The following SLC17A2 variants were observed in gnomAD, a reference collection of about 807,000 sequenced individuals.
The protein encoded by SLC17A2 is solute carrier family 17 member 2, also known as sodium-dependent phosphate transport protein 3.
Under a neutral mutation model 52.1 loss-of-function variants are expected in SLC17A2, and 38 were observed. The ratio of observed to expected loss-of-function variants is 0.73; its 90% CI spans 0.56 to 0.96. The LOEUF (loss-of-function observed/expected upper bound fraction) is 0.96, where lower values mean the gene tolerates loss of function less well. SLC17A2 is among the 40% of genes least tolerant of loss of function. The pLI is 0.00. For missense variants in SLC17A2, 508 were observed against 583.9 expected, an observed-to-expected ratio of 0.87 and a Z score of 1.34; for synonymous variants, 226 against 211.9, an observed-to-expected ratio of 1.07 and a Z score of -0.58.
chr6:25,921,108 A>G lies in SLC17A2; in HGVS notation c.475-15T>C, dbSNP rs201836999. The G allele has an allele frequency of 1.4e-5, 23 of 1,614,014 alleles. No individual in the cohort carries two copies. The highest frequency in any genetic ancestry group is 1.6e-5 in the Non-Finnish European group (19 of 1,179,858). ...CATGCCATTCCCTGAAATGAAAATC[A>G]TTAAGACCTTTGATATTTTGTAGAA... On this transcript the variant is annotated splice_polypyrimidine_tract_variant and intron_variant, in intron 4 of 11. Transcript: ENST00000377850.
At chr6:25,919,568 C>CA (rs1766461873) in intron 5 of SLC17A2, among the ~76,000 whole-genome samples, 1 of 151,358 alleles carries the variant, frequency 6.6e-6, no homozygotes, top group African/African-American at 2.4e-5. Flanking sequence ...GTCATGGTGG[C>CA]AGGCGCCTGT....
chr6:25,923,232 G>A (rs1766625359), intron 3 of SLC17A2, among the ~76,000 whole-genome samples: 2 of 152,120 alleles, frequency 1.3e-5, no homozygotes. Flanking sequence ...TAATTCAACT[G>A]GGAGGTGAGT....
At chr6:25,915,202 T>C (rs1766262661) in intron 10 of SLC17A2, among the ~76,000 whole-genome samples, 1 of 130,526 alleles carries the variant, frequency 7.7e-6, no homozygotes, top group African/African-American at 2.9e-5. Context: ...AACAACACCA[T>C]GGAAACTTTT....
chr6:25,926,353 A>G (rs1212801150), intron 1 of SLC17A2, among the ~76,000 whole-genome samples: 3 of 152,200 alleles, frequency 2.0e-5, no homozygotes, highest in East Asian at 1.9e-4. Flanking sequence ...ACAATGTTCC[A>G]TGTGCCTTCG....
Position 25,913,217 on chromosome 6 carries a change from T to G in SLC17A2, c.*100A>C. On this transcript the variant is annotated 3_prime_UTR_variant, in exon 12 of 12. Coordinates refer to ENST00000377850, the MANE Select transcript of SLC17A2 (RefSeq NM_001286123.3). ...AGGGAAGACTAACACACAGCCAGAG[T>G]TAAGAACTGCTGAGTCTATGGTCAG... The G allele has an allele frequency of 7.7e-7, 1 of 1,306,058 alleles. No homozygotes were observed. The highest frequency in any genetic ancestry group is 1.1e-6 in the Non-Finnish European group (1 of 907,516). The allele number at this position is 1,306,058 out of a possible 1,614,324, so 80.9% of individuals were successfully genotyped here.
chr6:25,926,557 G>A lies in SLC17A2; in HGVS notation c.-83-678C>T, dbSNP rs79745779. Among the ~76,000 whole-genome samples the A allele has an allele frequency of 1.6e-3, 250 of 152,308 alleles. 5 individuals carry two copies. The East Asian group carries it at 0.027, about 16-fold the overall frequency. ...AAATCCAGCTATTGTGACAGGCAAA[G>A]AGAATTCATGGCTCTAAATATGGAC... On this transcript the variant is annotated intron_variant, in intron 1 of 11. Coordinates refer to ENST00000377850, the MANE Select transcript of SLC17A2 (RefSeq NM_001286123.3).
chr6:25,918,512 G>T lies in SLC17A2; in HGVS notation c.624C>A (p.Ser208Arg). Residue 208 changes from serine to arginine, a missense_variant, in exon 6 of 12, where the codon AGC becomes AGA. Coordinates refer to ENST00000377850, the MANE Select transcript of SLC17A2 (RefSeq NM_001286123.3). The part of the protein sequence containing the change: ...CVGGLISQAL[S>R]WPFIFYIFGS... ...CAAAGATGTAGAAGATAAAAGGCCA[G>T]CTCAAGGCCTGTGAGATTAGTCCCC... 1 of 1,613,310 alleles carries T rather than the reference G, an allele frequency of 6.2e-7. No individual in the cohort carries two copies. The highest frequency in any genetic ancestry group is 1.1e-5 in the South Asian group (1 of 91,058).
In SLC17A2 at chr6:25,915,878, G is replaced by A. The variant is rs747309351; in HGVS notation, c.931-10C>T. The stretch of plus-strand genomic sequence containing the variant: ...AGGACAGAACTCCACTCTGAAGGAA[G>A]GAAGTTTATACAGAGTAGTTATAGA... On this transcript the variant is annotated splice_polypyrimidine_tract_variant and intron_variant, in intron 8 of 11. Coordinates refer to ENST00000377850, the MANE Select transcript of SLC17A2 (RefSeq NM_001286123.3). 6.2e-6 allele frequency: 10 copies of A among 1,612,758 alleles called. No individual in the cohort carries two copies. Among genetic ancestry groups the A allele is most frequent in the Non-Finnish European group, 8.5e-6 (10 of 1,179,496 alleles).
Position 25,913,230 on chromosome 6 carries a change from AGTCTATG to A in SLC17A2, c.*80_*86del, listed in dbSNP as rs2151539645. 7.0e-7 allele frequency: 1 copy of A among 1,420,168 alleles called. No homozygotes were observed. The highest frequency in any genetic ancestry group is 1.7e-5 in the Admixed American group (1 of 58,972). The allele number at this position is 1,420,168 out of a possible 1,614,324, so 88.0% of individuals were successfully genotyped here. ...ACACAGCCAGAGTTAAGAACTGCTG[AGTCTATG>A]GTCAGGAATATGGAGAGAAGTAAAA... On this transcript the variant is annotated 3_prime_UTR_variant, in exon 12 of 12. Coordinates refer to ENST00000377850, the MANE Select transcript of SLC17A2 (RefSeq NM_001286123.3).
In SLC17A2 at chr6:25,925,882, A is replaced by G. The variant is rs545162505; in HGVS notation, c.-83-3T>C. ...CTTTTACTACGACAGTCTTTTATCT[A>G]TGGAGAGAACATAATCCAAAACATA... On this transcript the variant is annotated splice_polypyrimidine_tract_variant and splice_region_variant and intron_variant, in intron 1 of 11. Coordinates refer to ENST00000377850, the MANE Select transcript of SLC17A2 (RefSeq NM_001286123.3). 4.5e-6 allele frequency: 6 copies of G among 1,328,110 alleles called. No homozygotes were observed. Among genetic ancestry groups the G allele is most frequent in the African/African-American group, 1.4e-5 (1 of 69,314 alleles). 82.3% of individuals were successfully genotyped at this position (1,328,110 alleles called of 1,614,324 possible).
chr6:25,921,334 T>G lies in SLC17A2; in HGVS notation c.319A>C (p.Ile107Leu). Residue 107 changes from isoleucine (I) to leucine (L), a missense_variant, in exon 4 of 12, where the codon ATC becomes CTC. Physicochemically the swap from Ile to Leu is conservative, Grantham distance 5. Transcript: ENST00000377850. Reference protein sequence around the residue: ...SINYGIILTLIPSGYLAGIFG... With the variant: ...SINYGIILTLLPSGYLAGIFG... Reference sequence around the variant, plus strand: ...ATCCCTGCTAAATATCCACTTGGGATCAGAGTCAGTATTATCCCATAGTTG... The same window carrying G: ...ATCCCTGCTAAATATCCACTTGGGAGCAGAGTCAGTATTATCCCATAGTTG... 6.2e-7 allele frequency: 1 copy of G among 1,614,148 alleles called. No homozygotes were observed. Among genetic ancestry groups the G allele is most frequent in the Non-Finnish European group, 8.5e-7 (1 of 1,180,008 alleles).
intron 5 of SLC17A2, among the ~76,000 whole-genome samples, chr6:25,919,006 T>A (rs1410342173): frequency 6.6e-6 from 1 of 152,214 alleles, no homozygotes; most frequent in Non-Finnish European, 1.5e-5. Flanking sequence ...AAAATGTGAA[T>A]AAAATTGATT....
chr6:25,924,163 G>A (rs2151555804), intron 2 of SLC17A2, among the ~76,000 whole-genome samples: 1 of 152,298 alleles, frequency 6.6e-6, no homozygotes, highest in East Asian at 1.9e-4. Flanking sequence ...ATGATAAATA[G>A]AGAAAACCCA....
intron 6 of SLC17A2, among the ~76,000 whole-genome samples, chr6:25,917,943 C>T (rs1194439475): frequency 2.0e-5 from 3 of 152,166 alleles, no homozygotes; most frequent in Non-Finnish European, 4.4e-5. Flanking sequence ...AATAATTACA[C>T]ACCAACATAA....
chr6:25,925,412 C>T (rs1369710765), intron 2 of SLC17A2, among the ~76,000 whole-genome samples: 1 of 150,872 alleles, frequency 6.6e-6, no homozygotes, highest in Non-Finnish European at 1.5e-5. Flanking sequence ...ACTCGGGAGG[C>T]TGAGGCAGGA....
chr6:25,913,128 C>T lies in SLC17A2; in HGVS notation c.*189G>A, dbSNP rs1766163862. 2 of 615,770 alleles carry T rather than the reference C, an allele frequency of 3.2e-6. No individual in the cohort carries two copies. The highest frequency in any genetic ancestry group is 2.2e-5 in the South Asian group (1 of 45,244). 38.1% of individuals were successfully genotyped at this position (615,770 alleles called of 1,614,324 possible). On this transcript the variant is annotated 3_prime_UTR_variant, in exon 12 of 12. Transcript: ENST00000377850. ...AATTAGTAGTATCTGGGTTCCACCC[C>T]AGACCAATTCATTCAGAATCTCTGG...
chr6:25,925,240 G>C (rs1253256757), intron 2 of SLC17A2, among the ~76,000 whole-genome samples: 1 of 152,108 alleles, frequency 6.6e-6, no homozygotes, highest in Admixed American at 6.6e-5. Context: ...CGGGCCAGGC[G>C]TGGTGGCCCA....
chr6:25,923,854 T>C lies in SLC17A2; in HGVS notation c.81A>G (p.Ser27=), dbSNP rs777136018. The change falls in exon 3 of 12, where the codon TCA becomes TCG. Residue 27 remains serine (S), a synonymous_variant. Transcript: ENST00000377850. Reference sequence around the variant, plus strand: ...CACGCTGCGTTATCATGGTGAAGTTTGAGAAGTGCATGATAAGAGCCAGCC... The same window carrying C: ...CACGCTGCGTTATCATGGTGAAGTTCGAGAAGTGCATGATAAGAGCCAGCC... ...RYGLALIMHF[S]NFTMITQRVS... The C allele has an allele frequency of 1.2e-6, 2 of 1,614,054 alleles. No homozygotes were observed. The highest frequency in any genetic ancestry group is 2.2e-5 in the South Asian group (2 of 91,086).
intron 1 of SLC17A2, 64 bp from the exon 2 acceptor site, chr6:25,925,943 C>G: frequency 1.2e-6 from 1 of 833,898 alleles, no homozygotes; most frequent in South Asian, 1.4e-5. Context: ...ATGTTGCCTC[C>G]TCTTAGCATC....
Sources: allele counts gnomAD v4.1 joint callset (sites outside exome capture counted in the v4.1 genomes callset), GRCh38; gene constraint gnomAD v4.1.1; transcripts MANE v1.5; gene names NCBI Gene and HGNC (gene_info 2026-07-23, HGNC 2026-07-21).